The following NT5DC4 variants were observed in gnomAD, a reference collection of about 807,000 sequenced individuals.
The protein encoded by NT5DC4 is 5'-nucleotidase domain containing 4.
NT5DC4 carries 44 observed loss-of-function variants against 26.6 expected under a neutral mutation model. The ratio of observed to expected loss-of-function variants is 1.65; its 90% CI spans 1.30 to 2.13. The LOEUF (loss-of-function observed/expected upper bound fraction) is 2.13, where lower values mean the gene tolerates loss of function less well. Ranked by LOEUF, NT5DC4 falls within the 30% of genes most tolerant of loss-of-function variation. The probability of loss-of-function intolerance (pLI) is 0.00; values close to 1 mark genes in which losing one functional copy is unlikely to be tolerated. For missense variants in NT5DC4, 399 were observed against 228.1 expected (o/e 1.75, Z -4.83); for synonymous variants, 157 against 86.7 (o/e 1.81, Z -4.51).
chr2:112,724,103 AC>A lies in NT5DC4; in HGVS notation c.768del (p.Tyr257ThrfsTer21), dbSNP rs1677354002. ...SSYNYTNAIMTYLFSISEAEA... is the reference protein window; with the variant it reads ...SSYNYTNAIMXYLFSISEAEA... Reference sequence around the variant, plus strand: ...GCCTTGTCCTTGCCAGGCCATCATGACCTACCTGTTCAGCATCAGTGAGGTG... The same window carrying A: ...GCCTTGTCCTTGCCAGGCCATCATGACTACCTGTTCAGCATCAGTGAGGTG... On this transcript the variant is annotated frameshift_variant, in exon 10 of 17. Transcript: ENST00000688554. LOFTEE classifies it high-confidence loss of function. 1 of 717,028 alleles carries A rather than the reference AC, an allele frequency of 1.4e-6. No individual in the cohort carries two copies. The highest frequency in any genetic ancestry group is 2.7e-5 in the East Asian group (1 of 37,218). 44.4% of individuals were successfully genotyped at this position (717,028 alleles called of 1,614,324 possible).
chr2:112,724,449 T>A, intron 10 of NT5DC4: 1 of 567,860 alleles, frequency 1.8e-6, no homozygotes, highest in Admixed American at 3.1e-5. Flanking sequence ...GCACTGGGAG[T>A]GACCAGGTGT....
chr2:112,728,981 G>A (rs557362501), intron 15 of NT5DC4, among the ~76,000 whole-genome samples: 2 of 152,338 alleles, frequency 1.3e-5, no homozygotes, highest in African/African-American at 4.8e-5. Context: ...TGTGGGCAAA[G>A]CTGGGGGTCC....
At chr2:112,738,775 G>T (rs762778094) in intron 16 of NT5DC4, 138 bp from the exon 17 acceptor site, 2 of 1,261,668 alleles carry the variant, frequency 1.6e-6, no homozygotes, top group Non-Finnish European at 2.3e-6. Context: ...AATATTTCTT[G>T]TCTTATGTTG....
downstream of NT5DC4, chr2:112,742,731 C>A (rs369349558): frequency 2.7e-5 from 44 of 1,607,944 alleles, no homozygotes; most frequent in Non-Finnish European, 3.7e-5. Context: ...TTGAGTCTTG[C>A]AAGATATTAA....
At chr2:112,729,809 G>T (rs1352880631) in intron 16 of NT5DC4, 105 bp downstream of exon 16, 9 of 678,400 alleles carry the variant, frequency 1.3e-5, no homozygotes, top group Admixed American at 1.1e-4. Flanking sequence ...GGCAATTGGT[G>T]GGGGGGCTTG....
chr2:112,730,170 G>A (rs1271916966), intron 16 of NT5DC4, among the ~76,000 whole-genome samples: 1 of 151,970 alleles, frequency 6.6e-6, no homozygotes. Context: ...AAAATTAGCT[G>A]GGCATGGTGG....
rs117026493 is a variant in NT5DC4 at position 112,736,039 on chromosome 2, T to C, written c.1345-2874T>C. Among the ~76,000 whole-genome samples, 122 of 152,062 alleles carry C rather than the reference T, an allele frequency of 8.0e-4. No individual in the cohort carries two copies. The East Asian group carries it at 0.019, about 24-fold the overall frequency. ...AAACCACCATAAAGAGACAACTGAC[T>C]CCTAGGCCTGGGGTCAGGGGAGGGA... On this transcript the variant is annotated intron_variant, in intron 16 of 16. Coordinates refer to ENST00000688554, the MANE Select transcript of NT5DC4 (RefSeq NM_001393655.1).
In NT5DC4 at chr2:112,723,619, C is replaced by T. The variant is rs188875970; in HGVS notation, c.673-100C>T. 362 of 684,582 alleles carry T rather than the reference C, an allele frequency of 5.3e-4. 2 individuals are homozygous for T. In the African/African-American group the frequency reaches 5.4e-3, roughly 10 times the overall value. 42.4% of individuals were successfully genotyped at this position (684,582 alleles called of 1,614,324 possible). On this transcript the variant is annotated intron_variant, in intron 8 of 16. Transcript: ENST00000688554. ...TCTATGGGGCCTGGTGCCTACCTGCCTGGGCTGGGGTGGGCTCCCAGAAGG... is the reference window on the plus strand; with the variant it reads ...TCTATGGGGCCTGGTGCCTACCTGCTTGGGCTGGGGTGGGCTCCCAGAAGG...
chr2:112,720,632 A>C (rs1200981212), upstream of NT5DC4, among the ~76,000 whole-genome samples: 2 of 152,198 alleles, frequency 1.3e-5, no homozygotes, highest in Non-Finnish European at 2.9e-5. Context: ...GTCTTCTCTA[A>C]ATGGCCTTGA....
rs1351949969 is a variant in NT5DC4 at position 112,722,607 on chromosome 2, G to A, written c.469+18G>A. On this transcript the variant is annotated intron_variant, in intron 5 of 16. Coordinates refer to ENST00000688554, the MANE Select transcript of NT5DC4 (RefSeq NM_001393655.1). ...CCTGCCTGGTGGGTGGAGGGTTGGG[G>A]GCACGGGAGGTGGTCCTGAGTTCCG... 2.8e-6 allele frequency: 2 copies of A among 717,354 alleles called. No individual in the cohort carries two copies. The highest frequency in any genetic ancestry group is 2.7e-5 in the East Asian group (1 of 37,290). 44.4% of individuals were successfully genotyped at this position (717,354 alleles called of 1,614,324 possible).
At chr2:112,726,870 G>A in intron 15 of NT5DC4, 132 bp downstream of exon 15, 1 of 671,694 alleles carries the variant, frequency 1.5e-6, no homozygotes, top group Non-Finnish European at 2.8e-6. Context: ...AGCCTCGCCT[G>A]GGCTCCACCT....
intron 16 of NT5DC4, chr2:112,731,710 A>T (rs538148984): frequency 1.3e-5 from 2 of 152,322 alleles, no homozygotes; most frequent in East Asian, 1.9e-4. Flanking sequence ...TTACTCCTAC[A>T]GTTTACTTTT....
At chr2:112,729,493 TC>T in intron 15 of NT5DC4, 133 bp from the exon 16 acceptor site, 1 of 644,322 alleles carries the variant, frequency 1.6e-6, no homozygotes, top group Non-Finnish European at 2.9e-6. Context: ...CTTCCGAGGT[TC>T]CTTCCTCTGC....
chr2:112,733,601 A>G (rs1310646341), intron 16 of NT5DC4, among the ~76,000 whole-genome samples: 1 of 152,222 alleles, frequency 6.6e-6, no homozygotes, highest in Admixed American at 6.5e-5. Context: ...CTTTGGCCAC[A>G]TGGACGAGGC....
intron 15 of NT5DC4, among the ~76,000 whole-genome samples, chr2:112,728,981 G>C (rs557362501): frequency 6.6e-6 from 1 of 152,220 alleles, no homozygotes; most frequent in Non-Finnish European, 1.5e-5. Flanking sequence ...TGTGGGCAAA[G>C]CTGGGGGTCC....
downstream of NT5DC4, chr2:112,742,764 T>C: frequency 6.2e-7 from 1 of 1,607,798 alleles, no homozygotes; most frequent in South Asian, 1.1e-5. Context: ...GCAACTCTTG[T>C]ATTGGCTGGA....
At chr2:112,720,105 A>C (rs1047645586), upstream of NT5DC4, among the ~76,000 whole-genome samples, 1 of 146,144 alleles carries the variant, frequency 6.8e-6, no homozygotes, top group African/African-American at 2.6e-5. Flanking sequence ...GAGTGCAGCA[A>C]TCTCGGCTCA....
chr2:112,719,233 A>C (rs1676615808), upstream of NT5DC4, among the ~76,000 whole-genome samples: 1 of 152,186 alleles, frequency 6.6e-6, no homozygotes. Context: ...AAGCCATAGG[A>C]GTTGTTGAGC....
chr2:112,723,517 G>A (rs1464870420), intron 8 of NT5DC4, 49 bp downstream of exon 8: 4 of 714,236 alleles, frequency 5.6e-6, no homozygotes, highest in Admixed American at 2.0e-5. Flanking sequence ...CAAAGCAGCA[G>A]GGCTGCCCCC....
Sources: gnomAD v4.1 joint callset for allele counts (sites outside exome capture counted in the v4.1 genomes callset) on GRCh38, gnomAD v4.1.1 for gene constraint, MANE v1.5 for transcripts, NCBI Gene and HGNC (gene_info 2026-07-23, HGNC 2026-07-21) for gene names.